Variants in TBL1X observed in about 807,000 individuals in gnomAD.
The protein encoded by TBL1X is F-box-like/WD repeat-containing protein TBL1X.
Under a neutral mutation model 50.7 loss-of-function variants are expected in TBL1X, and 10 were observed. That is an observed-to-expected ratio of 0.20 (90% CI 0.12 to 0.33). TBL1X has a LOEUF of 0.33. Among genes scored for constraint, TBL1X ranks in the 10% least tolerant of loss-of-function variants. TBL1X has a pLI of 1.00. For synonymous variants in TBL1X, 190 were observed against 214.7 expected, an observed-to-expected ratio of 0.88 and a Z score of 1.01; for missense variants, 340 against 504.4, an observed-to-expected ratio of 0.67 and a Z score of 3.12.
At chrX:9,667,579 G>A (rs1272764249) in intron 5 of TBL1X, among the ~76,000 whole-genome samples, 1 of 112,079 alleles carries the variant, frequency 8.9e-6, no homozygotes, top group Non-Finnish European at 1.9e-5. Context: ...ATTAAGAATT[G>A]GGTTTAACAT....
At chrX:9,546,501 A>G (rs1388807374) in intron 2 of TBL1X, among the ~76,000 whole-genome samples, 3 of 111,131 alleles carry the variant, frequency 2.7e-5, no homozygotes, top group Non-Finnish European at 5.7e-5. Context: ...GTGACAGAGC[A>G]AGACTCCGTC....
At chrX:9,683,979 A>G in intron 5 of TBL1X, 64 bp from the exon 6 acceptor site, 1 of 1,206,043 alleles carries the variant, frequency 8.3e-7, no homozygotes, top group Non-Finnish European at 1.1e-6. Flanking sequence ...TCAGATCTCA[A>G]TGGCTGCACC....
intron 2 of TBL1X, among the ~76,000 whole-genome samples, chrX:9,546,230 A>G (rs2082241456): frequency 8.9e-6 from 1 of 112,240 alleles, no homozygotes; most frequent in Non-Finnish European, 1.9e-5. Context: ...TTGGCAAACT[A>G]TGGCTTGCCG....
intron 2 of TBL1X, among the ~76,000 whole-genome samples, chrX:9,548,801 A>G (rs2082257400): frequency 8.9e-6 from 1 of 112,862 alleles, no homozygotes; most frequent in African/African-American, 3.2e-5. Context: ...TCTTGGAATT[A>G]GAAGGATTTC....
At chrX:9,597,692 C>T (rs1278709817) in intron 2 of TBL1X, among the ~76,000 whole-genome samples, 1 of 112,484 alleles carries the variant, frequency 8.9e-6, no homozygotes, top group Admixed American at 9.4e-5. Flanking sequence ...TTGAGCCATG[C>T]GTGTCCTTTA....
chrX:9,489,792 CA>C (rs2081931598), intron 1 of TBL1X, among the ~76,000 whole-genome samples: 1 of 111,455 alleles, frequency 9.0e-6, no homozygotes, highest in Non-Finnish European at 1.9e-5. Flanking sequence ...GCAAAGGGAG[CA>C]GCCATAGACT....
intron 2 of TBL1X, among the ~76,000 whole-genome samples, chrX:9,553,317 A>C (rs1018961695): frequency 8.9e-6 from 1 of 111,920 alleles, no homozygotes; most frequent in Non-Finnish European, 1.9e-5. Context: ...CCATGAGCCA[A>C]GGGATGCTGG....
chrX:9,619,925 G>A (rs980131160), intron 2 of TBL1X, among the ~76,000 whole-genome samples: 8 of 112,523 alleles, frequency 7.1e-5, no homozygotes, highest in African/African-American at 2.6e-4. Context: ...ACAGGCAGAC[G>A]CCTTTACAAG....
At chrX:9,620,676 C>T (rs867852891) in intron 2 of TBL1X, among the ~76,000 whole-genome samples, 44 of 111,989 alleles carry the variant, frequency 3.9e-4, no homozygotes, top group African/African-American at 1.4e-3. Flanking sequence ...TGAGGGAAAA[C>T]ACAGGCCAGG....
chrX:9,602,202 T>C (rs977085163), intron 2 of TBL1X, among the ~76,000 whole-genome samples: 15 of 112,214 alleles, frequency 1.3e-4, no homozygotes, highest in Non-Finnish European at 2.4e-4. Context: ...TATTCTATGC[T>C]ATGTACAGCT....
At chrX:9,491,328 ATATATATATATT>A (rs1332997968) in intron 1 of TBL1X, among the ~76,000 whole-genome samples, 3 of 23,218 alleles carry the variant, frequency 1.3e-4, no homozygotes, top group Middle Eastern at 0.017. Context: ...ATATATATAT[ATATATATATATT>A]TTTTTTTTTT....
At position 9,579,417 on chromosome X, in the gene TBL1X, A is replaced by G. The variant is rs1189828046; in HGVS notation, c.-130-60856A>G. On this transcript the variant is annotated intron_variant, in intron 2 of 17. Transcript: ENST00000645353. ...GGAGACTTGTCTTCCCATTTCTTGT[A>G]TCAGTGCCTTACTGATAGAGTTGGA... Among the ~76,000 whole-genome samples the G allele has an allele frequency of 5.1e-4, 57 of 112,193 alleles. No homozygotes were observed. In the Admixed American group the frequency reaches 5.1e-3, roughly 10 times the overall value.
At chrX:9,486,815 T>C (rs1417449883) in intron 1 of TBL1X, among the ~76,000 whole-genome samples, 1 of 111,828 alleles carries the variant, frequency 8.9e-6, no homozygotes, top group Non-Finnish European at 1.9e-5. Context: ...TTTTGCAGTT[T>C]GACTTTTTTC....
At chrX:9,553,413 A>G (rs1029562045) in intron 2 of TBL1X, among the ~76,000 whole-genome samples, 4 of 112,200 alleles carry the variant, frequency 3.6e-5, no homozygotes, top group African/African-American at 1.3e-4. Context: ...CCCATTTTAG[A>G]CATTGCACAT....
intron 2 of TBL1X, among the ~76,000 whole-genome samples, chrX:9,610,996 G>A (rs749288528): frequency 6.3e-5 from 7 of 111,751 alleles, no homozygotes; most frequent in African/African-American, 2.3e-4. Context: ...GCAAATCCTC[G>A]GAGAAATGGC....
intron 2 of TBL1X, among the ~76,000 whole-genome samples, chrX:9,630,315 T>C (rs945787884): frequency 2.7e-5 from 3 of 111,991 alleles, no homozygotes; most frequent in African/African-American, 9.8e-5. Context: ...CCTAAGGACG[T>C]GAGGAATGGA....
chrX:9,467,378 GC>G (rs1342280417), intron 1 of TBL1X, among the ~76,000 whole-genome samples: 4 of 111,926 alleles, frequency 3.6e-5, no homozygotes, highest in African/African-American at 1.3e-4. Flanking sequence ...CCGGTGCTCT[GC>G]CCCGCAGCAG....
At chrX:9,485,818 A>T (rs138230623) in intron 1 of TBL1X, among the ~76,000 whole-genome samples, 2 of 112,255 alleles carry the variant, frequency 1.8e-5, no homozygotes, top group African/African-American at 6.5e-5. Flanking sequence ...AAGGGGGCCA[A>T]TTTGCCTTTC....
chrX:9,478,235 A>T (rs2081859973), intron 1 of TBL1X, among the ~76,000 whole-genome samples: 1 of 110,940 alleles, frequency 9.0e-6, no homozygotes, highest in Non-Finnish European at 1.9e-5. Flanking sequence ...ACCTGTAGAA[A>T]GGTGGCCTAA....
Sources: gnomAD v4.1 joint callset for allele counts (sites outside exome capture counted in the v4.1 genomes callset) on GRCh38, gnomAD v4.1.1 for gene constraint, MANE v1.5 for transcripts, NCBI Gene and HGNC (gene_info 2026-07-23, HGNC 2026-07-21) for gene names.